The following FIGNL2 variants were observed in gnomAD, a reference collection of about 807,000 sequenced individuals.
FIGNL2 encodes the protein fidgetin-like protein 2.
For synonymous variants in FIGNL2, 565 were observed against 484.0 expected (o/e 1.17, Z -2.20); for missense variants, 1,060 against 950.2 (o/e 1.12, Z -1.52).
In FIGNL2 at chr12:51,820,121, A is replaced by G. The variant is rs566876930; in HGVS notation, c.*331T>C. ...GGAGGGTGCCATTCAGATAGCGAGGAGACAAAAGCGTTGTGGCAAGAGAGC... is the reference window on the plus strand; with the variant it reads ...GGAGGGTGCCATTCAGATAGCGAGGGGACAAAAGCGTTGTGGCAAGAGAGC... On this transcript the variant is annotated 3_prime_UTR_variant, in exon 2 of 2. Transcript: ENST00000618634. The G allele has an allele frequency of 1.2e-4, 40 of 335,882 alleles. No homozygotes were observed. The highest frequency in any genetic ancestry group is 7.6e-4 in the African/African-American group (34 of 44,806). 20.8% of individuals were successfully genotyped at this position (335,882 alleles called of 1,614,324 possible). A position where few individuals can be genotyped will look rare whatever the true frequency, so the allele number is the denominator to read the frequency against.
intron 1 of FIGNL2, among the ~76,000 whole-genome samples, chr12:51,840,835 C>G (rs927493455): frequency 6.6e-6 from 1 of 152,222 alleles, no homozygotes; most frequent in Non-Finnish European, 1.5e-5. Context: ...TTGGAGGGCC[C>G]CACACTTCCC....
intron 1 of FIGNL2, among the ~76,000 whole-genome samples, chr12:51,828,652 T>A (rs1266393058): frequency 6.6e-6 from 1 of 152,088 alleles, no homozygotes; most frequent in Non-Finnish European, 1.5e-5. Flanking sequence ...GTCCTGTGGG[T>A]GCCTCTCCCA....
intron 1 of FIGNL2, among the ~76,000 whole-genome samples, chr12:51,846,758 A>G (rs937394711): frequency 6.6e-6 from 1 of 152,092 alleles, no homozygotes; most frequent in African/African-American, 2.4e-5. Flanking sequence ...CCCCCGAGGA[A>G]TGCGGGTCCT....
intron 1 of FIGNL2, among the ~76,000 whole-genome samples, chr12:51,838,537 A>G (rs1237660384): frequency 1.3e-5 from 2 of 152,106 alleles, no homozygotes; most frequent in African/African-American, 2.4e-5. Flanking sequence ...CAGGTATTGC[A>G]GGGAGTGAGC....
intron 1 of FIGNL2, among the ~76,000 whole-genome samples, chr12:51,827,853 G>A (rs1425006033): frequency 6.6e-6 from 1 of 152,178 alleles, no homozygotes; most frequent in Non-Finnish European, 1.5e-5. Context: ...CGTCATACCA[G>A]CTCTGAGATC....
Position 51,820,991 on chromosome 12 carries a change from C to T in FIGNL2, c.1423G>A (p.Ala475Thr). The T allele has an allele frequency of 8.3e-7, 1 of 1,202,360 alleles. No homozygotes were observed. The highest frequency in any genetic ancestry group is 3.5e-5 in the East Asian group (1 of 28,334). 74.5% of individuals were successfully genotyped at this position (1,202,360 alleles called of 1,614,324 possible). Residue 475 changes from alanine (A) to threonine (T), a missense_variant, in exon 2 of 2, where the codon GCC becomes ACC. Transcript: ENST00000618634. Reference sequence around the variant, plus strand: ...CGGCAGCGCGCGGCCGCGAAGGCGGCCTGGAGGAGGCGCGCGCCCTCGGCG... The same window carrying T: ...CGGCAGCGCGCGGCCGCGAAGGCGGTCTGGAGGAGGCGCGCGCCCTCGGCG... ...GAAEGARLLQ[A>T]AFAAARCRPP...
intron 1 of FIGNL2, 142 bp from the exon 2 acceptor site, chr12:51,822,566 T>C: frequency 1.2e-6 from 1 of 862,652 alleles, no homozygotes; most frequent in Non-Finnish European, 1.8e-6. Context: ...CCCACTCTCT[T>C]GGGGCCCTCC....
intron 1 of FIGNL2, chr12:51,844,707 C>A: frequency 1.0e-6 from 1 of 985,370 alleles, no homozygotes; most frequent in Non-Finnish European, 1.2e-6. Flanking sequence ...GAGCAATTGC[C>A]ACTTGTTCCT....
In FIGNL2 at chr12:51,820,838, C is replaced by A. The variant is rs1592183485; in HGVS notation, c.1576G>T (p.Ala526Ser). Residue 526 changes from alanine to serine, a missense_variant, in exon 2 of 2, where the codon GCT (alanine) becomes TCT (serine). Ala to Ser is a moderately conservative substitution (Grantham distance 99). Transcript: ENST00000618634. Reference protein sequence around the residue: ...ACLDGGCGAGADGVLVVGTTS... With the variant: ...ACLDGGCGAGSDGVLVVGTTS... ...GTGCCCACAACCAGCACGCCGTCAG[C>A]CCCCGCGCCGCAGCCCCCGTCCAGG... 6.9e-7 allele frequency: 1 copy of A among 1,459,440 alleles called. No individual in the cohort carries two copies. The highest frequency in any genetic ancestry group is 9.0e-7 in the Non-Finnish European group (1 of 1,112,814). The allele number at this position is 1,459,440 out of a possible 1,614,324, so 90.4% of individuals were successfully genotyped here. A position where few individuals can be genotyped will look rare whatever the true frequency, so the allele number is the denominator to read the frequency against.
chr12:51,847,503 C>T, intron 1 of FIGNL2: 5 of 985,476 alleles, frequency 5.1e-6, no homozygotes, highest in Non-Finnish European at 6.0e-6. Context: ...GGAGACAGGG[C>T]CGGCAGCCTG....
chr12:51,848,361 G>C (rs1939797496), intron 1 of FIGNL2, 179 bp downstream of exon 1: 60 of 968,222 alleles, frequency 6.2e-5, no homozygotes, highest in Non-Finnish European at 7.2e-5. Flanking sequence ...CGGCTCCCAC[G>C]TACCCGCTAG....
intron 1 of FIGNL2, among the ~76,000 whole-genome samples, chr12:51,836,282 TAG>T (rs1337691120): frequency 1.3e-5 from 2 of 152,022 alleles, no homozygotes; most frequent in East Asian, 3.9e-4. Context: ...GAGAGGAAGG[TAG>T]GACAGGGCAC....
chr12:51,847,640 C>T (rs964611745), intron 1 of FIGNL2: 3 of 985,442 alleles, frequency 3.0e-6, no homozygotes, highest in Non-Finnish European at 3.6e-6. Context: ...CTGCCCCGCG[C>T]AGACCCCTTC....
At position 51,822,160 on chromosome 12, in the gene FIGNL2, T is replaced by C. The variant is rs759883416; in HGVS notation, c.254A>G (p.Asp85Gly). Residue 85 changes from aspartate (D) to glycine (G), a missense_variant, in exon 2 of 2, where the codon GAC becomes GGC. Transcript: ENST00000618634. ...YERPALGGYS[D>G]ASFLNGAKGD... is the part of the protein sequence containing the mutation. ...TTTGGCGCCGTTGAGGAAGGAGGCG[T>C]CGCTGTACCCGCCCAGGGCCGGACG... 1 of 1,611,324 alleles carries C rather than the reference T, an allele frequency of 6.2e-7. No individual in the cohort carries two copies.
chr12:51,848,139 C>G, intron 1 of FIGNL2: 1 of 985,172 alleles, frequency 1.0e-6, no homozygotes, highest in Non-Finnish European at 1.2e-6. Flanking sequence ...GAGGGGCCTG[C>G]GGGCCGGCCC....
At chr12:51,823,721 A>G (rs747471221) in intron 1 of FIGNL2, among the ~76,000 whole-genome samples, 9 of 152,236 alleles carry the variant, frequency 5.9e-5, no homozygotes, top group Non-Finnish European at 1.3e-4. Context: ...AACTTTTGAT[A>G]AGACAAGTTA....
At position 51,836,860 on chromosome 12, in the gene FIGNL2, C is replaced by T. The variant is rs76771044; in HGVS notation, c.-12+11680G>A. ...CAGTGGTCTGAGCAGGGTGGACACC[C>T]CCAGCCCCCTCCTCCCCTCACACAG... On this transcript the variant is annotated intron_variant, in intron 1 of 1. Coordinates refer to ENST00000618634, the MANE Select transcript of FIGNL2 (RefSeq NM_001384995.1). Among the ~76,000 whole-genome samples the T allele has an allele frequency of 7.6e-3, 1,164 of 152,208 alleles. 16 individuals carry two copies. Among genetic ancestry groups the T allele is most frequent in the African/African-American group, 0.027 (1,113 of 41,522 alleles).
intron 1 of FIGNL2, among the ~76,000 whole-genome samples, chr12:51,844,386 G>A (rs895197390): frequency 6.6e-6 from 1 of 152,126 alleles, no homozygotes; most frequent in South Asian, 2.1e-4. Flanking sequence ...TCCATACCTC[G>A]GTACTAAAGG....
At chr12:51,826,986 G>A (rs1399175675) in intron 1 of FIGNL2, among the ~76,000 whole-genome samples, 1 of 152,264 alleles carries the variant, frequency 6.6e-6, no homozygotes, top group Non-Finnish European at 1.5e-5. Flanking sequence ...TGTTTAAAGT[G>A]TGATCTCACT....
Sources: allele counts gnomAD v4.1 joint callset (sites outside exome capture counted in the v4.1 genomes callset), GRCh38; gene constraint gnomAD v4.1.1; transcripts MANE v1.5; gene names NCBI Gene and HGNC (gene_info 2026-07-23, HGNC 2026-07-21).